The following IL34 variants were observed in gnomAD, a reference collection of about 807,000 sequenced individuals.
The protein encoded by IL34 is interleukin 34.
A neutral mutation model predicts 25.3 loss-of-function variants in IL34; 17 were observed. That is an observed-to-expected ratio of 0.67 (90% confidence interval 0.46 to 1.01). The LOEUF is 1.01. Among genes scored for constraint, IL34 ranks in the 50% least tolerant of loss-of-function variants. The pLI is 0.00. For missense variants in IL34, 368 were observed against 312.9 expected, an observed-to-expected ratio of 1.18 and a Z score of -1.33; for synonymous variants, 174 against 140.9, an observed-to-expected ratio of 1.23 and a Z score of -1.66.
At chr16:70,638,312 A>G (rs1369640891) in intron 1 of IL34, among the ~76,000 whole-genome samples, 3 of 152,158 alleles carry the variant, frequency 2.0e-5, no homozygotes, top group Admixed American at 6.6e-5. Flanking sequence ...CCTTGTCTCT[A>G]CAAAAGAACT....
intron 1 of IL34, among the ~76,000 whole-genome samples, chr16:70,640,914 C>T (rs1397413832): frequency 3.3e-5 from 5 of 152,058 alleles, no homozygotes; most frequent in Non-Finnish European, 5.9e-5. Context: ...TTGCTTTTTC[C>T]AGAAAAGGCT....
upstream of IL34, among the ~76,000 whole-genome samples, chr16:70,645,966 T>C (rs2051916434): frequency 6.6e-6 from 1 of 152,140 alleles, no homozygotes. Context: ...AGCAGGAGAA[T>C]TGCTTGAACC....
At chr16:70,601,256 A>T (rs2050912615) in intron 1 of IL34, among the ~76,000 whole-genome samples, 1 of 151,862 alleles carries the variant, frequency 6.6e-6, no homozygotes, top group Non-Finnish European at 1.5e-5. Context: ...CTGACTCTTT[A>T]TTTATTTATT....
chr16:70,621,053 G>C (rs1205664406), intron 1 of IL34, among the ~76,000 whole-genome samples: 2 of 152,090 alleles, frequency 1.3e-5, no homozygotes, highest in East Asian at 1.9e-4. Context: ...ATAAGAGTTT[G>C]GGTGTGGAAA....
chr16:70,643,583 C>T (rs375507850), upstream of IL34, among the ~76,000 whole-genome samples: 13 of 152,302 alleles, frequency 8.5e-5, no homozygotes, highest in Admixed American at 1.3e-4. Context: ...CTATGTTGCC[C>T]GGGCTGGTCT....
At chr16:70,627,726 C>T (rs1007954031) in intron 1 of IL34, among the ~76,000 whole-genome samples, 6 of 152,240 alleles carry the variant, frequency 3.9e-5, no homozygotes, top group Admixed American at 1.3e-4. Flanking sequence ...TACTTCAGAT[C>T]CCAAAGTGGT....
At chr16:70,654,700 T>C in intron 2 of IL34, 29 bp downstream of exon 2, 1 of 1,576,920 alleles carries the variant, frequency 6.3e-7, no homozygotes, top group Non-Finnish European at 8.7e-7. Context: ...GCTGTGTCCC[T>C]GTCCCCGCGT....
chr16:70,622,302 A>G (rs1441926435), intron 1 of IL34, among the ~76,000 whole-genome samples: 2 of 152,108 alleles, frequency 1.3e-5, no homozygotes, highest in African/African-American at 4.8e-5. Flanking sequence ...CATGTTGAAT[A>G]AAGCTAATTT....
chr16:70,628,493 AT>A (rs899078206), intron 1 of IL34, among the ~76,000 whole-genome samples: 44 of 146,232 alleles, frequency 3.0e-4, no homozygotes, highest in Middle Eastern at 3.5e-3. Context: ...TTATTTATTT[AT>A]TTTTTTTTTT....
At chr16:70,648,649 AGGCAAAGACT>A (rs1231309644) in intron 1 of IL34, among the ~76,000 whole-genome samples, 3 of 151,378 alleles carry the variant, frequency 2.0e-5, no homozygotes, top group Non-Finnish European at 2.9e-5. Flanking sequence ...TCTTAGGACC[AGGCAAAGACT>A]GGCTGGGGGA....
intron 1 of IL34, among the ~76,000 whole-genome samples, chr16:70,588,637 G>T (rs983195528): frequency 1.3e-5 from 2 of 152,114 alleles, no homozygotes; most frequent in Non-Finnish European, 2.9e-5. Context: ...GTAGCTAAAA[G>T]GTAAAAGCAA....
chr16:70,627,599 G>C (rs2051424673), intron 1 of IL34, among the ~76,000 whole-genome samples: 1 of 151,974 alleles, frequency 6.6e-6, no homozygotes, highest in Admixed American at 6.6e-5. Flanking sequence ...CTCCCAAGTA[G>C]CTGGGACTAC....
chr16:70,615,933 A>G (rs1419939747), intron 1 of IL34, among the ~76,000 whole-genome samples: 2 of 152,164 alleles, frequency 1.3e-5, no homozygotes, highest in Non-Finnish European at 2.9e-5. Flanking sequence ...AGCGTGGGTG[A>G]CAGATTGAGA....
At chr16:70,624,857 T>A (rs377753978) in intron 1 of IL34, among the ~76,000 whole-genome samples, 1 of 151,420 alleles carries the variant, frequency 6.6e-6, no homozygotes, top group Non-Finnish European at 1.5e-5. Context: ...GATGGGTCTG[T>A]AGAAAAGGAA....
At chr16:70,654,384 A>C in intron 1 of IL34, 154 bp from the exon 2 acceptor site, 1 of 993,642 alleles carries the variant, frequency 1.0e-6, no homozygotes, top group Non-Finnish European at 1.4e-6. Flanking sequence ...GACCCCAGGG[A>C]AAGCATTCCA....
intron 1 of IL34, among the ~76,000 whole-genome samples, chr16:70,632,039 C>G (rs1306291319): frequency 6.7e-6 from 1 of 149,952 alleles, no homozygotes; most frequent in African/African-American, 2.5e-5. Context: ...GAGGTCAAGG[C>G]TGCAGTGAGT....
chr16:70,603,554 A>G (rs2050952397), intron 1 of IL34, among the ~76,000 whole-genome samples: 1 of 152,134 alleles, frequency 6.6e-6, no homozygotes, highest in Non-Finnish European at 1.5e-5. Context: ...CTAGGGTTAC[A>G]GGTGTGAGTC....
intron 1 of IL34, among the ~76,000 whole-genome samples, chr16:70,648,874 C>T (rs1490106212): frequency 6.6e-6 from 1 of 152,180 alleles, no homozygotes; most frequent in Non-Finnish European, 1.5e-5. Flanking sequence ...CGAGAAGGAG[C>T]CTCCCTTGCC....
chr16:70,610,913 C>T (rs892366968), intron 1 of IL34, among the ~76,000 whole-genome samples: 1 of 152,214 alleles, frequency 6.6e-6, no homozygotes, highest in South Asian at 2.1e-4. Flanking sequence ...AATGAAAAAA[C>T]TGCTTGCGTT....
Sources: gnomAD v4.1 joint callset for allele counts (sites outside exome capture counted in the v4.1 genomes callset) on GRCh38, gnomAD v4.1.1 for gene constraint, MANE v1.5 for transcripts, NCBI Gene and HGNC (gene_info 2026-07-23, HGNC 2026-07-21) for gene names.